The following MICU2 variants were observed in gnomAD, a reference collection of about 807,000 sequenced individuals.
MICU2 encodes the protein mitochondrial calcium uptake 2, also known as calcium uptake protein 2, mitochondrial.
A neutral mutation model predicts 60.4 loss-of-function variants in MICU2; 64 were observed. The observed-to-expected ratio is 1.06, with a 90% CI of 0.87 to 1.31. MICU2 has a LOEUF of 1.31. Ranked by LOEUF, MICU2 falls within the 50% of genes most tolerant of loss-of-function variation. MICU2 has a pLI of 0.00. For synonymous variants in MICU2, 201 were observed against 175.0 expected, an observed-to-expected ratio of 1.15 and a Z score of -1.17; for missense variants, 569 against 531.0, an observed-to-expected ratio of 1.07 and a Z score of -0.70.
chr13:21,499,140 G>A (rs1052500987), intron 9 of MICU2, among the ~76,000 whole-genome samples: 2 of 151,872 alleles, frequency 1.3e-5, no homozygotes, highest in Admixed American at 6.6e-5. Context: ...TAGAAGAGAC[G>A]GGGTTTCACC....
At chr13:21,570,622 A>G (rs1217777327) in intron 1 of MICU2, among the ~76,000 whole-genome samples, 1 of 152,200 alleles carries the variant, frequency 6.6e-6, no homozygotes, top group African/African-American at 2.4e-5. Context: ...TGAAGCATAA[A>G]TTTCATCTTT....
chr13:21,551,682 G>A (rs1887569841), intron 2 of MICU2, among the ~76,000 whole-genome samples: 1 of 147,404 alleles, frequency 6.8e-6, no homozygotes, highest in South Asian at 2.1e-4. Flanking sequence ...GTGAGAACAT[G>A]CAGTGTTTGG....
At chr13:21,567,797 CTT>C (rs1888020062) in intron 1 of MICU2, among the ~76,000 whole-genome samples, 1 of 152,126 alleles carries the variant, frequency 6.6e-6, no homozygotes, top group African/African-American at 2.4e-5. Flanking sequence ...CTCATAATAA[CTT>C]TGAGCAGTAG....
At chr13:21,559,304 T>C (rs1046497528) in intron 2 of MICU2, among the ~76,000 whole-genome samples, 2 of 152,218 alleles carry the variant, frequency 1.3e-5, no homozygotes, top group African/African-American at 2.4e-5. Flanking sequence ...AGTTTATTTA[T>C]CCAGTCTGTT....
chr13:21,562,371 T>A (rs1029491721), intron 2 of MICU2, among the ~76,000 whole-genome samples: 6 of 152,150 alleles, frequency 3.9e-5, no homozygotes, highest in Non-Finnish European at 5.9e-5. Flanking sequence ...AAAATACATA[T>A]CTACAGTGAC....
chr13:21,581,175 A>C (rs1888339825), intron 1 of MICU2, among the ~76,000 whole-genome samples: 1 of 152,176 alleles, frequency 6.6e-6, no homozygotes, highest in Non-Finnish European at 1.5e-5. Context: ...TGTAACCTGA[A>C]AATTTAGAGC....
chr13:21,559,565 C>T (rs1389592185), intron 2 of MICU2, among the ~76,000 whole-genome samples: 2 of 150,042 alleles, frequency 1.3e-5, no homozygotes, highest in Non-Finnish European at 3.0e-5. Context: ...TGCTCTGTTG[C>T]CCAGGCTGAA....
intron 11 of MICU2, among the ~76,000 whole-genome samples, chr13:21,493,784 TAA>T (rs111899635): frequency 0.035 from 4,952 of 143,250 alleles, 292 homozygotes; most frequent in African/African-American, 0.12. Flanking sequence ...TGGCTAAAAT[TAA>T]AAAAAAAAAA....
intron 2 of MICU2, among the ~76,000 whole-genome samples, chr13:21,552,311 T>C (rs557429818): frequency 4.6e-5 from 7 of 152,324 alleles, no homozygotes; most frequent in African/African-American, 1.7e-4. Context: ...TTTGAGTTCA[T>C]TGTAGATTCT....
intron 1 of MICU2, among the ~76,000 whole-genome samples, chr13:21,602,147 C>CACTGAAGAAGGGTT (rs1888834422): frequency 1.3e-5 from 2 of 150,618 alleles, no homozygotes; most frequent in Admixed American, 6.6e-5. Context: ...CAAAATGAGA[C>CACTGAAGAAGGGTT]ACTGAAGAAG....
chr13:21,587,765 TA>T (rs1888490836), intron 1 of MICU2, among the ~76,000 whole-genome samples: 2 of 152,210 alleles, frequency 1.3e-5, no homozygotes, highest in East Asian at 3.8e-4. Flanking sequence ...CTAGGGACTA[TA>T]CTAAGTATTA....
At chr13:21,529,025 T>C (rs1438432705) in intron 4 of MICU2, among the ~76,000 whole-genome samples, 1 of 152,088 alleles carries the variant, frequency 6.6e-6, no homozygotes, top group Non-Finnish European at 1.5e-5. Context: ...CAGGGAAGCT[T>C]ATGCAGGGCA....
At chr13:21,504,823 TG>T (rs1037597068) in intron 8 of MICU2, among the ~76,000 whole-genome samples, 28 of 152,304 alleles carry the variant, frequency 1.8e-4, no homozygotes, top group African/African-American at 6.7e-4. Context: ...GACATTGGCA[TG>T]GTAGAGTATT....
At chr13:21,594,123 A>G (rs918702590) in intron 1 of MICU2, among the ~76,000 whole-genome samples, 1 of 152,208 alleles carries the variant, frequency 6.6e-6, no homozygotes, top group Non-Finnish European at 1.5e-5. Flanking sequence ...AATTTTTGCA[A>G]TCTACCCATC....
intron 6 of MICU2, among the ~76,000 whole-genome samples, chr13:21,518,965 A>T (rs1886648613): frequency 6.6e-6 from 1 of 152,066 alleles, no homozygotes; most frequent in African/African-American, 2.4e-5. Context: ...GACTCTTTTG[A>T]AACTGCTCTG....
At chr13:21,500,714 C>T (rs187201532) in intron 9 of MICU2, among the ~76,000 whole-genome samples, 213 of 152,132 alleles carry the variant, frequency 1.4e-3, no homozygotes, top group African/African-American at 4.7e-3. Flanking sequence ...CCACCACGCC[C>T]GGCCAATCCC....
Position 21,503,075 on chromosome 13 carries a change from CTGTT to C in MICU2, c.780_783del (p.Thr261ArgfsTer14), listed in dbSNP as rs1246991114. The C allele has an allele frequency of 1.9e-6, 3 of 1,596,650 alleles. No homozygotes were observed. Among genetic ancestry groups the C allele is most frequent in the African/African-American group, 1.4e-5 (1 of 73,668 alleles). On this transcript the variant is annotated frameshift_variant, in exon 9 of 12. Transcript: ENST00000382374. LOFTEE classifies it high-confidence loss of function. ...TGAAGGAATTCCATTTCTTGAATCT[CTGTT>C]TGTAAATTTTCCATAAATCTGAATG...
At chr13:21,597,909 C>G (rs1455942385) in intron 1 of MICU2, among the ~76,000 whole-genome samples, 1 of 97,424 alleles carries the variant, frequency 1.0e-5, no homozygotes, top group Non-Finnish European at 1.8e-5. Flanking sequence ...CCAGCCTGGG[C>G]AACAGAGTGA....
chr13:21,533,513 C>T lies in MICU2; in HGVS notation c.466+5789G>A, dbSNP rs1211286737. On this transcript the variant is annotated intron_variant, in intron 4 of 11. Coordinates refer to ENST00000382374, the MANE Select transcript of MICU2 (RefSeq NM_152726.3). ...TGATTTTTTGTATTTTTAGTAGAGA[C>T]GGGGTTTCACCGTGTTAGCCAGGAT... 5.3e-5 allele frequency among the ~76,000 whole-genome samples: 8 copies of T among 151,876 alleles called. No individual in the cohort carries two copies. In the South Asian group the frequency reaches 1.2e-3, roughly 24 times the overall value.
Sources: allele counts gnomAD v4.1 joint callset (sites outside exome capture counted in the v4.1 genomes callset), GRCh38; gene constraint gnomAD v4.1.1; transcripts MANE v1.5; gene names NCBI Gene and HGNC (gene_info 2026-07-23, HGNC 2026-07-21).